The following EPN2 variants were observed in gnomAD, a reference collection of about 807,000 sequenced individuals.
The protein encoded by EPN2 is epsin-2.
A neutral mutation model predicts 61.7 loss-of-function variants in EPN2; 34 were observed. The observed-to-expected ratio is 0.55, with a 90% CI of 0.42 to 0.73. The LOEUF (loss-of-function observed/expected upper bound fraction) is 0.73. EPN2 is among the 30% of genes least tolerant of loss of function. The probability of loss-of-function intolerance (pLI) is 0.00; values close to 1 mark genes in which losing one functional copy is unlikely to be tolerated. For synonymous variants in EPN2, 349 were observed against 353.6 expected, an observed-to-expected ratio of 0.99 and a Z score of 0.15; for missense variants, 714 against 839.2, an observed-to-expected ratio of 0.85 and a Z score of 1.84.
At position 19,334,259 on chromosome 17, in the gene EPN2, T is replaced by C; in HGVS notation, c.*5T>C. 6.9e-7 allele frequency: 1 copy of C among 1,444,656 alleles called. No homozygotes were observed. The highest frequency in any genetic ancestry group is 9.2e-7 in the Non-Finnish European group (1 of 1,088,344). 89.5% of individuals were successfully genotyped at this position (1,444,656 alleles called of 1,614,324 possible). ...ACCAACCCTTTCCTTCTCTAGTGCC[T>C]GGGCCTGGGACCCACCCAGAGCACC... On this transcript the variant is annotated 3_prime_UTR_variant, in exon 11 of 11. Coordinates refer to ENST00000314728, the MANE Select transcript of EPN2 (RefSeq NM_014964.5). This position sits in a 1 kb window ranked among gnomAD's most constrained non-coding sequence, Gnocchi z 4.9.
rs139687943 is a variant in EPN2, at chr17:19,283,489, C to T, written c.370C>T (p.Arg124Cys). ...TGGCAAGGACCAGGGCATCAATGTG[C>T]GTGAGAAGTCAAAGCAACTGGTGGC... Reference protein sequence around the residue: ...RDGKDQGINVREKSKQLVALL... With the variant: ...RDGKDQGINVCEKSKQLVALL... The change falls in exon 3 of 11, where the codon CGT (arginine) becomes TGT (cysteine). Residue 124 changes from arginine (R) to cysteine (C), a missense_variant. Transcript: ENST00000314728. The surrounding 1 kb of genome is among the most constrained non-coding windows in gnomAD (Gnocchi z 7.0). The T allele has an allele frequency of 1.4e-5, 22 of 1,614,194 alleles. No individual in the cohort carries two copies. Among genetic ancestry groups the T allele is most frequent in the Non-Finnish European group, 1.7e-5 (20 of 1,180,032 alleles).
intron 4 of EPN2, among the ~76,000 whole-genome samples, chr17:19,295,360 A>ACGCGCGCGCGCG (rs1202148585): frequency 7.2e-5 from 5 of 69,336 alleles, no homozygotes; most frequent in African/African-American, 1.9e-4. Flanking sequence ...ACACACACAC[A>ACGCGCGCGCGCG]CACACACGCG....
intron 4 of EPN2, among the ~76,000 whole-genome samples, chr17:19,289,155 G>A (rs982649719): frequency 8.4e-5 from 11 of 130,590 alleles, no homozygotes; most frequent in African/African-American, 3.0e-4. Context: ...CACGATCTCC[G>A]CTTACTGCAA....
chr17:19,283,524 G>A lies in EPN2; in HGVS notation c.405G>A (p.Lys135=). 1.2e-6 allele frequency: 2 copies of A among 1,614,254 alleles called. No homozygotes were observed. Among genetic ancestry groups the A allele is most frequent in the Non-Finnish European group, 1.7e-6 (2 of 1,180,054 alleles). Residue 135 remains lysine (K), a synonymous_variant, in exon 3 of 11, where the codon AAG becomes AAA. Coordinates refer to ENST00000314728, the MANE Select transcript of EPN2 (RefSeq NM_014964.5). The surrounding 1 kb of genome is among the most constrained non-coding windows in gnomAD (Gnocchi z 7.0). ...EKSKQLVALL[K]DEERLKAERA... ...CAAAGCAACTGGTGGCTCTCCTCAA[G>A]GACGAGGAACGGTTGAAGGCTGAGA... is the stretch of plus-strand genomic sequence containing the variant.
intron 4 of EPN2, among the ~76,000 whole-genome samples, chr17:19,309,088 C>T (rs533138018): frequency 3.3e-5 from 5 of 150,438 alleles, no homozygotes; most frequent in East Asian, 3.9e-4. Context: ...CAGAAATGGG[C>T]GGGCTTCATT....
At chr17:19,296,630 A>T (rs906738353) in intron 4 of EPN2, 2 of 152,152 alleles carry the variant, frequency 1.3e-5, no homozygotes, top group Non-Finnish European at 2.9e-5. Flanking sequence ...ATTTGTTTTG[A>T]GACAGTGTCT....
chr17:19,301,356 T>G (rs1485799469), intron 4 of EPN2, among the ~76,000 whole-genome samples: 1 of 152,192 alleles, frequency 6.6e-6, no homozygotes, highest in Admixed American at 6.5e-5. Flanking sequence ...TCATCCTACT[T>G]TACGGGGGAC....
At chr17:19,276,360 A>ATTTTTTTTTTTTTTTTTTT (rs140536354) in intron 1 of EPN2, 3 of 79,920 alleles carry the variant, frequency 3.8e-5, no homozygotes, top group African/African-American at 1.6e-4. Flanking sequence ...GCTAATTAAA[A>ATTTTTTTTTTTTTTTTTTT]TTTTTTTTTT....
At chr17:19,266,255 T>TG in intron 1 of EPN2, among the ~76,000 whole-genome samples, 1 of 152,222 alleles carries the variant, frequency 6.6e-6, no homozygotes, top group Non-Finnish European at 1.5e-5. Context: ...GTCTTAGAAA[T>TG]GCCATAGTAT....
chr17:19,293,705 A>G (rs1386500811), intron 4 of EPN2, among the ~76,000 whole-genome samples: 2 of 152,026 alleles, frequency 1.3e-5, no homozygotes, highest in Non-Finnish European at 2.9e-5. Context: ...TCAGCCAGGA[A>G]TACCTAATTA....
At chr17:19,280,228 AT>A (rs1460705057) in intron 1 of EPN2, among the ~76,000 whole-genome samples, 1 of 152,308 alleles carries the variant, frequency 6.6e-6, no homozygotes, top group East Asian at 1.9e-4. Context: ...GGAACAACAA[AT>A]TGAAGGGCCT....
intron 1 of EPN2, among the ~76,000 whole-genome samples, chr17:19,238,221 G>GT (rs2044840522): frequency 6.6e-6 from 1 of 152,244 alleles, no homozygotes; most frequent in South Asian, 2.1e-4. Flanking sequence ...CGGCCCGGCG[G>GT]TCCTGCTCGG....
chr17:19,331,566 GA>G, intron 9 of EPN2, among the ~76,000 whole-genome samples: 1 of 150,514 alleles, frequency 6.6e-6, no homozygotes, highest in South Asian at 2.1e-4. Flanking sequence ...AACCCAAAAT[GA>G]CATCTTGGTA....
At chr17:19,319,868 C>T (rs1906562948) in intron 7 of EPN2, among the ~76,000 whole-genome samples, 1 of 152,152 alleles carries the variant, frequency 6.6e-6, no homozygotes. Context: ...GGCTGGTCTC[C>T]AACTCCTGAC....
chr17:19,246,067 A>G (rs2044945132), intron 1 of EPN2, among the ~76,000 whole-genome samples: 1 of 152,040 alleles, frequency 6.6e-6, no homozygotes, highest in East Asian at 1.9e-4. Flanking sequence ...GTAGTCTTAA[A>G]AAGTTACATG....
At chr17:19,327,358 T>G (rs1285055618) in intron 7 of EPN2, among the ~76,000 whole-genome samples, 1 of 152,134 alleles carries the variant, frequency 6.6e-6, no homozygotes, top group Non-Finnish European at 1.5e-5. Flanking sequence ...GTGTACAGAA[T>G]GCTTCTATTC....
chr17:19,323,974 C>T (rs528290697), intron 7 of EPN2, among the ~76,000 whole-genome samples: 10 of 152,120 alleles, frequency 6.6e-5, no homozygotes, highest in African/African-American at 1.7e-4. Context: ...TGAAGAGCAT[C>T]GGAAATGGGA....
rs2045375569 is a variant in EPN2, at chr17:19,283,305, G to A, written c.186G>A (p.Lys62=). 6.2e-7 allele frequency: 1 copy of A among 1,614,188 alleles called. No homozygotes were observed. Among genetic ancestry groups the A allele is most frequent in the Non-Finnish European group, 8.5e-7 (1 of 1,180,038 alleles). ...CGGAGATCATGAGCATGGTGTGGAA[G>A]CGGCTGAATGACCATGGCAAGAACT... ...AFSEIMSMVW[K]RLNDHGKNWR... The change falls in exon 3 of 11, where the codon AAG becomes AAA. Residue 62 remains lysine (K), a synonymous_variant. Transcript: ENST00000314728. The surrounding 1 kb of genome is among the most constrained non-coding windows in gnomAD (Gnocchi z 7.0).
chr17:19,238,085 C>T (rs1278345903), intron 1 of EPN2, among the ~76,000 whole-genome samples: 1 of 152,230 alleles, frequency 6.6e-6, no homozygotes, highest in Non-Finnish European at 1.5e-5. Flanking sequence ...TAGCAGGGCC[C>T]CCTTCCGTCC....
Sources: gnomAD v4.1 joint callset for allele counts (sites outside exome capture counted in the v4.1 genomes callset) on GRCh38, gnomAD v4.1.1 for gene constraint, Gnocchi (gnomAD v3.1) non-coding constraint, MANE v1.5 for transcripts, NCBI Gene and HGNC (gene_info 2026-07-23, HGNC 2026-07-21) for gene names.